Variants in SULF1 observed in about 807,000 individuals in gnomAD.
SULF1 encodes sulfatase 1.
Under a neutral mutation model 110.5 loss-of-function variants are expected in SULF1, and 46 were observed. That is an observed-to-expected ratio of 0.42 (90% confidence interval 0.33 to 0.53). The LOEUF is 0.53. SULF1 is among the 20% of genes least tolerant of loss of function. The pLI, the probability that SULF1 is intolerant of heterozygous loss-of-function variation, is 0.12. For synonymous variants in SULF1, 371 were observed against 387.1 expected (o/e 0.96, Z 0.49); for missense variants, 941 against 1,094.2 (o/e 0.86, Z 1.98).
chr8:69,597,533 A>G (rs963614836), intron 8 of SULF1: 1 of 152,248 alleles, frequency 6.6e-6, no homozygotes, highest in Non-Finnish European at 1.5e-5. Context: ...AATATAAGCC[A>G]GATTTAACGT....
At position 69,600,762 on chromosome 8, in the gene SULF1, A is replaced by G. The variant is rs1250823128; in HGVS notation, c.885+9A>G. On this transcript the variant is annotated intron_variant, in intron 9 of 22. Coordinates refer to ENST00000402687, the MANE Select transcript of SULF1 (RefSeq NM_001128205.2). ...ATGATTCTGTGGAGAGGGTAAGCACATGAACCTACCTCAGTGATAGTTTTT... is the reference window on the plus strand; with the variant it reads ...ATGATTCTGTGGAGAGGGTAAGCACGTGAACCTACCTCAGTGATAGTTTTT... The G allele has an allele frequency of 1.9e-6, 3 of 1,611,616 alleles. No individual in the cohort carries two copies. The highest frequency in any genetic ancestry group is 2.5e-6 in the Non-Finnish European group (3 of 1,178,742).
At chr8:69,485,922 A>T (rs556263453) in intron 1 of SULF1, among the ~76,000 whole-genome samples, 1 of 152,252 alleles carries the variant, frequency 6.6e-6, no homozygotes, top group African/African-American at 2.4e-5. Flanking sequence ...ACCAACCCTA[A>T]CACTCTGAGT....
chr8:69,627,577 ATGTTTATCTAT>A (rs1232023620), intron 16 of SULF1, among the ~76,000 whole-genome samples, 184 bp from the exon 17 acceptor site: 6 of 152,244 alleles, frequency 3.9e-5, no homozygotes, highest in African/African-American at 1.4e-4. Flanking sequence ...GAATCTGCTA[ATGTTTATCTAT>A]AACACATGGG....
At chr8:69,548,466 G>A (rs893288022) in intron 3 of SULF1, among the ~76,000 whole-genome samples, 5 of 114,716 alleles carry the variant, frequency 4.4e-5, no homozygotes, top group African/African-American at 1.6e-4. Flanking sequence ...TTTTTTTTTT[G>A]ATGGAGTCTC....
Position 69,624,123 on chromosome 8 carries a change from T to G in SULF1, c.1776T>G (p.Gly592=). ...CAAGAGATCTCCAGGCTTCCAGTGG[T>G]GGCAACAGGGGCAGGATGCTGGCAG... ...KGPRDLQASS[G]GNRGRMLADS... The change falls in exon 15 of 23, where the codon GGT becomes GGG. Residue 592 remains glycine, a synonymous_variant. Transcript: ENST00000402687. 1 of 1,613,692 alleles carries G rather than the reference T, an allele frequency of 6.2e-7. No individual in the cohort carries two copies. Among genetic ancestry groups the G allele is most frequent in the Non-Finnish European group, 8.5e-7 (1 of 1,179,714 alleles).
intron 19 of SULF1, chr8:69,638,277 T>C (rs1442876524): frequency 5.8e-6 from 3 of 514,376 alleles, no homozygotes; most frequent in Non-Finnish European, 1.0e-5. Flanking sequence ...ACTTTAGTCT[T>C]CAGCCTATAA....
At chr8:69,574,536 G>A (rs769623615) in intron 5 of SULF1, among the ~76,000 whole-genome samples, 31 of 152,070 alleles carry the variant, frequency 2.0e-4, no homozygotes, top group African/African-American at 5.8e-4. Flanking sequence ...ACATTGTTAC[G>A]TGTGCATTGC....
chr8:69,526,346 A>G (rs1303316484), intron 3 of SULF1, among the ~76,000 whole-genome samples: 1 of 152,182 alleles, frequency 6.6e-6, no homozygotes, highest in African/African-American at 2.4e-5. Flanking sequence ...TTATTTAAAT[A>G]AAGATCATTC....
intron 3 of SULF1, among the ~76,000 whole-genome samples, chr8:69,525,598 AGCAATATAATAAAAATT>A (rs771748770): frequency 6.6e-6 from 1 of 152,222 alleles, no homozygotes; most frequent in Non-Finnish European, 1.5e-5. Flanking sequence ...TACTACAAAT[AGCAATATAATAAAAATT>A]GCAATAAACC....
intron 2 of SULF1, among the ~76,000 whole-genome samples, chr8:69,498,257 G>A (rs1181542142): frequency 6.6e-6 from 1 of 152,136 alleles, no homozygotes; most frequent in Non-Finnish European, 1.5e-5. Context: ...CTAGGCCACT[G>A]GCTTCCTGGT....
In SULF1 at chr8:69,546,188, G is replaced by T. The variant is rs191707814; in HGVS notation, c.-133-17351G>T. The stretch of plus-strand genomic sequence containing the variant: ...TGATGAGGTAGGCAATTAGCAATTT[G>T]CATCACATCATTTAGGACTCTACAA... On this transcript the variant is annotated intron_variant, in intron 3 of 22. Transcript: ENST00000402687. Among the ~76,000 whole-genome samples, 23 of 152,302 alleles carry T rather than the reference G, an allele frequency of 1.5e-4. 1 individual carries two copies. The East Asian group carries it at 4.4e-3, about 29-fold the overall frequency.
chr8:69,643,413 C>CT (rs1491400781), intron 22 of SULF1, among the ~76,000 whole-genome samples: 2 of 130,228 alleles, frequency 1.5e-5, no homozygotes, highest in Non-Finnish European at 3.2e-5. Flanking sequence ...TTTTAGAAAA[C>CT]TAAAAAAAAA....
At chr8:69,615,880 C>G (rs1378147688) in intron 13 of SULF1, among the ~76,000 whole-genome samples, 3 of 151,998 alleles carry the variant, frequency 2.0e-5, no homozygotes, top group African/African-American at 7.3e-5. Flanking sequence ...ACCCTCAGCT[C>G]CTCCAGGGCA....
rs536403187 is a variant in SULF1, at chr8:69,658,753, G to A, written c.*218G>A. On this transcript the variant is annotated 3_prime_UTR_variant, in exon 23 of 23. Coordinates refer to ENST00000402687, the MANE Select transcript of SULF1 (RefSeq NM_001128205.2). ...AACTGCTCAAAGTGACGGGTTCTTGGTTGTCTCTGCTGAGCACGCTGTGTC... is the reference window on the plus strand; with the variant it reads ...AACTGCTCAAAGTGACGGGTTCTTGATTGTCTCTGCTGAGCACGCTGTGTC... 1.8e-5 allele frequency: 12 copies of A among 662,892 alleles called. No homozygotes were observed. The highest frequency in any genetic ancestry group is 3.3e-5 in the Non-Finnish European group (12 of 359,486). 41.1% of individuals were successfully genotyped at this position (662,892 alleles called of 1,614,324 possible). A position where few individuals can be genotyped will look rare whatever the true frequency, so the allele number is the denominator to read the frequency against.
chr8:69,493,754 G>T (rs547570002), intron 1 of SULF1, among the ~76,000 whole-genome samples: 1 of 152,274 alleles, frequency 6.6e-6, no homozygotes, highest in South Asian at 2.1e-4. Flanking sequence ...CATAACCGAA[G>T]GTTCTAATAT....
intron 1 of SULF1, among the ~76,000 whole-genome samples, chr8:69,481,647 G>A (rs1268475118): frequency 6.6e-6 from 1 of 152,040 alleles, no homozygotes; most frequent in African/African-American, 2.4e-5. Flanking sequence ...CCCGGTGTGT[G>A]TTGCTCCCCG....
chr8:69,534,323 C>T (rs1813294287), intron 3 of SULF1, among the ~76,000 whole-genome samples: 1 of 152,152 alleles, frequency 6.6e-6, no homozygotes, highest in Non-Finnish European at 1.5e-5. Context: ...TCAAATAGTT[C>T]TTTAAGAAAT....
intron 1 of SULF1, among the ~76,000 whole-genome samples, chr8:69,494,844 C>A (rs551954514): frequency 1.3e-5 from 2 of 149,282 alleles, no homozygotes; most frequent in African/African-American, 2.5e-5. Flanking sequence ...TGTGCCACTG[C>A]ACCTCAGCCT....
rs768347353 is a variant in SULF1 at position 69,603,619 on chromosome 8, G to A, written c.1210G>A (p.Ala404Thr). 6.2e-7 allele frequency: 1 copy of A among 1,613,868 alleles called. No homozygotes were observed. Among genetic ancestry groups the A allele is most frequent in the Non-Finnish European group, 8.5e-7 (1 of 1,179,758 alleles). The change falls in exon 12 of 23, where the codon GCC becomes ACC. Residue 404 changes from alanine to threonine, a missense_variant. Physicochemically the swap from Ala to Thr is moderately conservative, Grantham distance 58 (BLOSUM62 0). Transcript: ENST00000402687. ...TTTCAGGTTTCGAACAAACAAGAAG[G>A]CCAAAATTTGGCGTGATACATTCCT... ...PGNRFRTNKK[A>T]KIWRDTFLVE...
Sources: allele counts gnomAD v4.1 joint callset (sites outside exome capture counted in the v4.1 genomes callset), GRCh38; gene constraint gnomAD v4.1.1; transcripts MANE v1.5; gene names NCBI Gene and HGNC (gene_info 2026-07-23, HGNC 2026-07-21).